The following GABRB2 variants were observed in gnomAD, a reference collection of about 807,000 sequenced individuals.
GABRB2 encodes the protein gamma-aminobutyric acid receptor subunit beta-2.
A neutral mutation model predicts 54.7 loss-of-function variants in GABRB2; 16 were observed. The ratio of observed to expected loss-of-function variants is 0.29; its 90% CI spans 0.20 to 0.44. The LOEUF (loss-of-function observed/expected upper bound fraction) is 0.44. Among genes scored for constraint, GABRB2 ranks in the 20% least tolerant of loss-of-function variants. The pLI is 1.00. For missense variants in GABRB2, 355 were observed against 644.0 expected, an observed-to-expected ratio of 0.55 and a Z score of 4.86; for synonymous variants, 244 against 233.8, an observed-to-expected ratio of 1.04 and a Z score of -0.40.
At position 161,494,180 on chromosome 5, in the gene GABRB2, GGTACTATAGTA is replaced by G. The variant is rs1759160192; in HGVS notation, c.238-34347_238-34337del. On this transcript the variant is annotated intron_variant, in intron 3 of 9. Coordinates refer to ENST00000393959, the MANE Select transcript of GABRB2 (RefSeq NM_001371727.1). ...ATGCTTATAGCAGCCAAGCATTGTA[GGTACTATAGTA>G]GTGACAAGATTGGATAAACATTCCT... Among the ~76,000 whole-genome samples the G allele has an allele frequency of 2.0e-5, 3 of 151,780 alleles. No homozygotes were observed. The South Asian group carries it at 6.2e-4, about 31-fold the overall frequency.
At chr5:161,484,019 T>C (rs1758844339) in intron 3 of GABRB2, among the ~76,000 whole-genome samples, 1 of 151,884 alleles carries the variant, frequency 6.6e-6, no homozygotes, top group African/African-American at 2.4e-5. Context: ...AATCTAACTG[T>C]TGTGGCTTGA....
chr5:161,298,850 G>A (rs1432948561), intron 9 of GABRB2, among the ~76,000 whole-genome samples: 1 of 152,134 alleles, frequency 6.6e-6, no homozygotes. Context: ...ATCCCTGTGG[G>A]GCAGGCACTG....
intron 5 of GABRB2, among the ~76,000 whole-genome samples, chr5:161,363,074 C>A (rs1042909225): frequency 5.3e-5 from 8 of 152,172 alleles, no homozygotes; most frequent in Non-Finnish European, 8.8e-5. Flanking sequence ...AAGACACATG[C>A]ACACGTATGT....
chr5:161,343,897 C>A (rs779567414), intron 5 of GABRB2, among the ~76,000 whole-genome samples: 1 of 152,122 alleles, frequency 6.6e-6, no homozygotes, highest in Non-Finnish European at 1.5e-5. Flanking sequence ...TAGGCCAATG[C>A]TTCTTAAGCT....
intron 3 of GABRB2, among the ~76,000 whole-genome samples, chr5:161,462,756 T>A (rs1292983642): frequency 6.6e-6 from 1 of 152,168 alleles, no homozygotes; most frequent in Non-Finnish European, 1.5e-5. Flanking sequence ...AACTGTCACA[T>A]CAATTTTGAT....
At chr5:161,447,713 T>C (rs1757676449) in intron 4 of GABRB2, among the ~76,000 whole-genome samples, 1 of 152,160 alleles carries the variant, frequency 6.6e-6, no homozygotes, top group African/African-American at 2.4e-5. Context: ...GTAGAAATCT[T>C]CCCTGAACAT....
chr5:161,388,735 A>G (rs910641689), intron 5 of GABRB2, among the ~76,000 whole-genome samples: 3 of 151,934 alleles, frequency 2.0e-5, no homozygotes, highest in Non-Finnish European at 2.9e-5. Context: ...TTTACTACCA[A>G]TAAGTAGTAT....
At chr5:161,470,567 C>A (rs2113296367) in intron 3 of GABRB2, among the ~76,000 whole-genome samples, 1 of 151,966 alleles carries the variant, frequency 6.6e-6, no homozygotes, top group East Asian at 1.9e-4. Flanking sequence ...GATAGCTGAT[C>A]TGCTAACCAA....
intron 5 of GABRB2, among the ~76,000 whole-genome samples, chr5:161,393,759 C>A (rs182151821): frequency 2.6e-5 from 4 of 152,016 alleles, no homozygotes; most frequent in African/African-American, 9.6e-5. Flanking sequence ...ATAAATAAAG[C>A]AAACATTTGC....
intron 3 of GABRB2, among the ~76,000 whole-genome samples, chr5:161,530,374 G>A (rs1299885058): frequency 6.6e-6 from 1 of 152,076 alleles, no homozygotes; most frequent in East Asian, 1.9e-4. Context: ...AGAGCTGGTG[G>A]TAAAATAACA....
At chr5:161,308,322 T>C (rs1757761751) in intron 9 of GABRB2, among the ~76,000 whole-genome samples, 1 of 152,164 alleles carries the variant, frequency 6.6e-6, no homozygotes, top group Non-Finnish European at 1.5e-5. Context: ...AAAGATTGGT[T>C]CAGGAATGGG....
At chr5:161,456,095 A>G (rs1757946264) in intron 4 of GABRB2, among the ~76,000 whole-genome samples, 1 of 152,158 alleles carries the variant, frequency 6.6e-6, no homozygotes, top group Admixed American at 6.5e-5. Flanking sequence ...ATTTTGCCTT[A>G]AACTCACAAG....
At chr5:161,499,246 A>G (rs1759354824) in intron 3 of GABRB2, among the ~76,000 whole-genome samples, 1 of 152,132 alleles carries the variant, frequency 6.6e-6, no homozygotes, top group Admixed American at 6.6e-5. Context: ...AAAAATAAGT[A>G]TTATTTCTCT....
At chr5:161,500,766 C>T (rs963128173) in intron 3 of GABRB2, among the ~76,000 whole-genome samples, 1 of 152,090 alleles carries the variant, frequency 6.6e-6, no homozygotes, top group Non-Finnish European at 1.5e-5. Flanking sequence ...ACATAACAGG[C>T]AATGTCAAAA....
chr5:161,453,494 C>A (rs1009884472), intron 4 of GABRB2, among the ~76,000 whole-genome samples: 1 of 152,112 alleles, frequency 6.6e-6, no homozygotes, highest in Non-Finnish European at 1.5e-5. Context: ...CTGGTGAGGA[C>A]ACAGTGAGAA....
intron 5 of GABRB2, among the ~76,000 whole-genome samples, chr5:161,340,016 AG>A (rs897860940): frequency 5.9e-5 from 9 of 152,080 alleles, no homozygotes; most frequent in African/African-American, 2.2e-4. Flanking sequence ...AAAATGAAAC[AG>A]TATTTCTTAT....
intron 4 of GABRB2, among the ~76,000 whole-genome samples, chr5:161,434,522 T>C (rs536835038): frequency 4.6e-5 from 7 of 152,200 alleles, no homozygotes; most frequent in Non-Finnish European, 8.8e-5. Flanking sequence ...TCTCAAAATC[T>C]TTTACTTACC....
At chr5:161,387,429 T>A (rs892820713) in intron 5 of GABRB2, among the ~76,000 whole-genome samples, 4 of 152,140 alleles carry the variant, frequency 2.6e-5, no homozygotes, top group African/African-American at 9.7e-5. Context: ...AATATATCCT[T>A]TGAGGTTATC....
intron 3 of GABRB2, among the ~76,000 whole-genome samples, chr5:161,477,284 CAAA>C (rs70990786): frequency 0.75 from 95,976 of 127,978 alleles, 35,935 homozygotes; most frequent in South Asian, 0.87. Context: ...CAAACAAAAG[CAAA>C]AAAAAAAAAA....
Sources: gnomAD v4.1 joint callset for allele counts (sites outside exome capture counted in the v4.1 genomes callset) on GRCh38, gnomAD v4.1.1 for gene constraint, MANE v1.5 for transcripts, NCBI Gene and HGNC (gene_info 2026-07-23, HGNC 2026-07-21) for gene names.